The following KIRREL3 variants were observed in gnomAD, a reference collection of about 807,000 sequenced individuals.
KIRREL3 encodes the protein kin of IRRE-like protein 3.
KIRREL3 carries 36 observed loss-of-function variants against 89.7 expected under a neutral mutation model. The observed-to-expected ratio is 0.40, with a 90% confidence interval of 0.31 to 0.53. The LOEUF is 0.53. Among genes scored for constraint, KIRREL3 ranks in the 20% least tolerant of loss-of-function variants. The probability of loss-of-function intolerance (pLI) is 0.49; values close to 1 mark genes in which losing one functional copy is unlikely to be tolerated. For synonymous variants in KIRREL3, 445 were observed against 441.4 expected (o/e 1.01, Z -0.10); for missense variants, 864 against 1,056.6 (o/e 0.82, Z 2.53).
In KIRREL3 at chr11:126,521,986, C is replaced by T. The variant is rs1349451316; in HGVS notation, c.284-522G>A. On this transcript the variant is annotated intron_variant, in intron 3 of 16. Coordinates refer to ENST00000525144, the MANE Select transcript of KIRREL3 (RefSeq NM_032531.4). The surrounding 1 kb of genome is among the most constrained non-coding windows in gnomAD (Gnocchi z 4.1). ...CTTGAACTCCTGGACTTAGGCGGTT[C>T]TCCCTCCTCAACCTCCCAAAGTTCT... Among the ~76,000 whole-genome samples, 2 of 152,114 alleles carry T rather than the reference C, an allele frequency of 1.3e-5. No homozygotes were observed. The highest frequency in any genetic ancestry group is 4.8e-5 in the African/African-American group (2 of 41,404).
chr11:127,000,581 G>A lies in KIRREL3; in HGVS notation c.-72C>T. On this transcript the variant is annotated 5_prime_UTR_variant, in exon 1 of 17. An upstream open reading frame in the 5' UTR gains an earlier in-frame stop. Transcript: ENST00000525144. The surrounding 1 kb of genome is among the most constrained non-coding windows in gnomAD (Gnocchi z 7.1). ...TAGTTTCTCTTCCTTGGCGGCTCTC[G>A]GTGCTCAGCCTCCGCCGGTCCTCTC... The A allele has an allele frequency of 6.0e-6, 9 of 1,509,478 alleles. No individual in the cohort carries two copies. Among genetic ancestry groups the A allele is most frequent in the Non-Finnish European group, 8.1e-6 (9 of 1,109,908 alleles). 93.5% of individuals were successfully genotyped at this position (1,509,478 alleles called of 1,614,324 possible). A position where few individuals can be genotyped will look rare whatever the true frequency, so the allele number is the denominator to read the frequency against.
chr11:126,868,041 A>G (rs1944979255), intron 1 of KIRREL3, among the ~76,000 whole-genome samples: 1 of 112,442 alleles, frequency 8.9e-6, no homozygotes, highest in Non-Finnish European at 1.7e-5. Context: ...TGAGTAATAC[A>G]GCTCTCAAGG....
At position 126,989,136 on chromosome 11, in the gene KIRREL3, A is replaced by T. The variant is rs766200237; in HGVS notation, c.55+11319T>A. Among the ~76,000 whole-genome samples the T allele has an allele frequency of 4.6e-5, 7 of 152,326 alleles. No homozygotes were observed. Among genetic ancestry groups the T allele is most frequent in the Non-Finnish European group, 7.3e-5 (5 of 68,030 alleles). On this transcript the variant is annotated intron_variant, in intron 1 of 16. Transcript: ENST00000525144. This position sits in a 1 kb window ranked among gnomAD's most constrained non-coding sequence, Gnocchi z 6.2. ...GTAAATTCTCAAACTATGCAGCTCT[A>T]TGTTTCCTCTTCTACCCTTGTAGCA...
At position 126,766,959 on chromosome 11, in the gene KIRREL3, G is replaced by A. The variant is rs34136461; in HGVS notation, c.56-204047C>T. On this transcript the variant is annotated intron_variant, in intron 1 of 16. Transcript: ENST00000525144. This position sits in a 1 kb window ranked among gnomAD's most constrained non-coding sequence, Gnocchi z 4.2. ...GTTTGACCACAAGAGCCTGGTCTAG[G>A]CACATAGATTAGAGACTCTGCATTG... 0.13 allele frequency among the ~76,000 whole-genome samples: 19,621 copies of A among 152,216 alleles called. 1,744 individuals carry two copies. Among genetic ancestry groups the A allele is most frequent in the Non-Finnish European group, 0.2 (13,264 of 67,984 alleles).
intron 1 of KIRREL3, among the ~76,000 whole-genome samples, chr11:126,678,822 G>T (rs1469540091): frequency 6.6e-6 from 1 of 152,130 alleles, no homozygotes; most frequent in Non-Finnish European, 1.5e-5. Context: ...AGTGGAGGTG[G>T]CCATACGGCC....
rs1948515869 is a variant in KIRREL3 at position 126,943,310 on chromosome 11, G to A, written c.55+57145C>T. On this transcript the variant is annotated intron_variant, in intron 1 of 16. Coordinates refer to ENST00000525144, the MANE Select transcript of KIRREL3 (RefSeq NM_032531.4). This position sits in a 1 kb window ranked among gnomAD's most constrained non-coding sequence, Gnocchi z 4.2. ...TTAAAGCCCTGTTCCAGGGAGGAGT[G>A]GAGGGAGACTCCATCTCCACCACGG... Among the ~76,000 whole-genome samples the A allele has an allele frequency of 6.6e-6, 1 of 152,086 alleles. No homozygotes were observed. The highest frequency in any genetic ancestry group is 2.4e-5 in the African/African-American group (1 of 41,404).
rs917502872 is a variant in KIRREL3, at chr11:126,697,751, G to T, written c.56-134839C>A. 2.0e-5 allele frequency among the ~76,000 whole-genome samples: 3 copies of T among 152,160 alleles called. 1 individual carries two copies. The highest frequency in any genetic ancestry group is 2.4e-5 in the African/African-American group (1 of 41,422). ...CAGCTTCTCCCGGGGCCTCCGGGTG[G>T]GTCCCATGATTGCTCTGATCACCTC... On this transcript the variant is annotated intron_variant, in intron 1 of 16. Coordinates refer to ENST00000525144, the MANE Select transcript of KIRREL3 (RefSeq NM_032531.4). This position sits in a 1 kb window ranked among gnomAD's most constrained non-coding sequence, Gnocchi z 4.2.
rs117639573 is a variant in KIRREL3, at chr11:126,943,918, G to A, written c.55+56537C>T. On this transcript the variant is annotated intron_variant, in intron 1 of 16. Transcript: ENST00000525144. The surrounding 1 kb of genome is among the most constrained non-coding windows in gnomAD (Gnocchi z 4.2). ...CTTAATTTAGATATTGATGCAGTTC[G>A]GGACATACCAAAATATGTCACCTTG... Among the ~76,000 whole-genome samples, 1,260 of 152,240 alleles carry A rather than the reference G, an allele frequency of 8.3e-3. 4 individuals carry two copies. The highest frequency in any genetic ancestry group is 0.014 in the Admixed American group (221 of 15,294).
In KIRREL3 at chr11:126,566,960, C is replaced by A. The variant is rs571797784; in HGVS notation, c.56-4048G>T. ...CAACACACTAGCTGGTGATAGTGCC[C>A]ATGCTGGAACCCATGGCTGATTTTT... is the stretch of plus-strand genomic sequence containing the variant. On this transcript the variant is annotated intron_variant, in intron 1 of 16. Transcript: ENST00000525144. This position sits in a 1 kb window ranked among gnomAD's most constrained non-coding sequence, Gnocchi z 4.9. Among the ~76,000 whole-genome samples, 161 of 152,280 alleles carry A rather than the reference C, an allele frequency of 1.1e-3. No homozygotes were observed. Among genetic ancestry groups the A allele is most frequent in the Admixed American group, 3.1e-3 (47 of 15,298 alleles).
At chr11:126,914,182 G>A (rs1409578501) in intron 1 of KIRREL3, among the ~76,000 whole-genome samples, 1 of 152,202 alleles carries the variant, frequency 6.6e-6, no homozygotes, top group African/African-American at 2.4e-5. Context: ...TGCTATGCCT[G>A]TGGCCAGGGC....
rs972999712 is a variant in KIRREL3 at position 126,636,286 on chromosome 11, G to C, written c.56-73374C>G. On this transcript the variant is annotated intron_variant, in intron 1 of 16. Transcript: ENST00000525144. The surrounding 1 kb of genome is among the most constrained non-coding windows in gnomAD (Gnocchi z 4.4). ...TTGTTATTTCCTTTTTGAGCTAGTT[G>C]TGTTTGCTTGCTACGGAGGAAATAC... Among the ~76,000 whole-genome samples, 23 of 152,190 alleles carry C rather than the reference G, an allele frequency of 1.5e-4. No individual in the cohort carries two copies.
At chr11:126,831,435 T>TCTCTCTC (rs1943604007) in intron 1 of KIRREL3, among the ~76,000 whole-genome samples, 6 of 149,914 alleles carry the variant, frequency 4.0e-5, no homozygotes, top group African/African-American at 4.9e-5. Flanking sequence ...CTCTCTCTCT[T>TCTCTCTC]TCTCTCTCTC....
chr11:126,514,645 C>T (rs1958343369), intron 4 of KIRREL3, among the ~76,000 whole-genome samples: 1 of 152,210 alleles, frequency 6.6e-6, no homozygotes, highest in Admixed American at 6.5e-5. Flanking sequence ...CTCTCTTCAA[C>T]CCCATGAAAG....
At chr11:126,910,164 A>G (rs1946758282) in intron 1 of KIRREL3, among the ~76,000 whole-genome samples, 1 of 152,130 alleles carries the variant, frequency 6.6e-6, no homozygotes. Flanking sequence ...TTCTACTCCC[A>G]GAAGGTCCAG....
chr11:126,452,867 C>G (rs1956225421), intron 7 of KIRREL3, among the ~76,000 whole-genome samples: 1 of 152,204 alleles, frequency 6.6e-6, no homozygotes, highest in African/African-American at 2.4e-5. Context: ...TTCTTCCCCT[C>G]CTGCACTGAA....
At chr11:126,889,695 C>T (rs1314693451) in intron 1 of KIRREL3, among the ~76,000 whole-genome samples, 3 of 152,114 alleles carry the variant, frequency 2.0e-5, no homozygotes, top group African/African-American at 4.8e-5. Context: ...CACATTGAGA[C>T]GACAGCTTCT....
chr11:126,445,207 A>G, intron 9 of KIRREL3, 102 bp from the exon 10 acceptor site: 2 of 1,425,714 alleles, frequency 1.4e-6, no homozygotes, highest in Non-Finnish European at 1.9e-6. Flanking sequence ...TAACTGAGGC[A>G]GTCTCCGGCA....
At position 126,867,179 on chromosome 11, in the gene KIRREL3, TC is replaced by T. The variant is rs890186516; in HGVS notation, c.55+133275del. On this transcript the variant is annotated intron_variant, in intron 1 of 16. Transcript: ENST00000525144. The surrounding 1 kb of genome is among the most constrained non-coding windows in gnomAD (Gnocchi z 4.7). ...CCCCACAATCTGCCTGTCTGCCTGC[TC>T]CCCCCAGGGGTTTGAGCAGCGGGGC... 2.0e-5 allele frequency among the ~76,000 whole-genome samples: 3 copies of T among 151,798 alleles called. No homozygotes were observed. Among genetic ancestry groups the T allele is most frequent in the Admixed American group, 6.6e-5 (1 of 15,238 alleles).
chr11:126,818,765 T>C (rs547563103), intron 1 of KIRREL3, among the ~76,000 whole-genome samples: 1 of 150,350 alleles, frequency 6.7e-6, no homozygotes, highest in Admixed American at 6.7e-5. Context: ...CTTCTCCCCA[T>C]TGTGTAGACT....
Sources: allele counts gnomAD v4.1 joint callset (sites outside exome capture counted in the v4.1 genomes callset), GRCh38; gene constraint gnomAD v4.1.1; non-coding constraint Gnocchi (gnomAD v3.1); transcripts MANE v1.5; gene names NCBI Gene and HGNC (gene_info 2026-07-23, HGNC 2026-07-21).